The following CCSER1 variants were observed in gnomAD, a reference collection of about 807,000 sequenced individuals.
CCSER1 encodes coiled-coil serine rich protein 1.
CCSER1 carries 41 observed loss-of-function variants against 82.0 expected under a neutral mutation model. The ratio of observed to expected loss-of-function variants is 0.50; its 90% CI spans 0.39 to 0.65. The LOEUF (loss-of-function observed/expected upper bound fraction) is 0.65, where lower values mean the gene tolerates loss of function less well. CCSER1 is among the 30% of genes least tolerant of loss of function. CCSER1 has a pLI of 0.00. For missense variants in CCSER1, 1,119 were observed against 1,064.2 expected (o/e 1.05, Z -0.72); for synonymous variants, 414 against 383.9 (o/e 1.08, Z -0.92).
chr4:91,544,901 C>G (rs1373173135), intron 10 of CCSER1, among the ~76,000 whole-genome samples: 1 of 152,178 alleles, frequency 6.6e-6, no homozygotes, highest in Non-Finnish European at 1.5e-5. Context: ...GCCCTGTCCC[C>G]AGAGTTGGAG....
At chr4:90,896,977 AAGG>A (rs1343347732) in intron 8 of CCSER1, among the ~76,000 whole-genome samples, 2 of 151,994 alleles carry the variant, frequency 1.3e-5, no homozygotes, top group African/African-American at 4.8e-5. Flanking sequence ...CATGTAAAGA[AAGG>A]AGAGTGAAAT....
At chr4:90,652,776 C>A (rs1257701169) in intron 6 of CCSER1, among the ~76,000 whole-genome samples, 2 of 152,092 alleles carry the variant, frequency 1.3e-5, no homozygotes, top group Non-Finnish European at 2.9e-5. Context: ...TTTTTGCTAG[C>A]AATTATTTAT....
rs1742204648 is a variant in CCSER1 at position 91,043,865 on chromosome 4, G to A, written c.2173-42085G>A. Among the ~76,000 whole-genome samples the A allele has an allele frequency of 2.6e-5, 4 of 152,304 alleles. No homozygotes were observed. The South Asian group carries it at 8.3e-4, about 32-fold the overall frequency. ...AGCTTCCCAAAGTGCTGGGATGACA[G>A]TCGTGAGCAACCACGCCTGGCTCAG... On this transcript the variant is annotated intron_variant, in intron 9 of 10. Coordinates refer to ENST00000509176, the MANE Select transcript of CCSER1 (RefSeq NM_001145065.2).
chr4:90,417,246 C>A (rs957195652), intron 4 of CCSER1, among the ~76,000 whole-genome samples: 1 of 151,946 alleles, frequency 6.6e-6, no homozygotes, highest in Admixed American at 6.6e-5. Context: ...AAAACCAATG[C>A]ATTTAAATGC....
chr4:90,268,581 C>T (rs1225108282), intron 1 of CCSER1, among the ~76,000 whole-genome samples: 1 of 151,696 alleles, frequency 6.6e-6, no homozygotes, highest in Non-Finnish European at 1.5e-5. Context: ...TCAAAACATA[C>T]CAGCAGAGAA....
chr4:90,775,793 G>A lies in CCSER1; in HGVS notation c.2011-39969G>A, dbSNP rs544836238. Among the ~76,000 whole-genome samples the A allele has an allele frequency of 2.0e-5, 3 of 152,086 alleles. No homozygotes were observed. In the South Asian group the frequency reaches 6.2e-4, roughly 32 times the overall value. ...AAGAGATTGGATATTTGGCACAGAG[G>A]ATTTTCTTTTGTAAAACAGATATTT... is the stretch of plus-strand genomic sequence containing the variant. On this transcript the variant is annotated intron_variant, in intron 7 of 10. Transcript: ENST00000509176.
chr4:90,403,494 G>A (rs1312667918), intron 4 of CCSER1, among the ~76,000 whole-genome samples: 3 of 100,544 alleles, frequency 3.0e-5, no homozygotes, highest in East Asian at 6.7e-4. Flanking sequence ...GCGAGACTCC[G>A]TCTCAAAAAA....
chr4:90,415,240 T>G (rs1471895349), intron 4 of CCSER1, among the ~76,000 whole-genome samples: 2 of 152,220 alleles, frequency 1.3e-5, no homozygotes, highest in African/African-American at 4.8e-5. Context: ...AAGGTGCACA[T>G]GATTTGAATC....
intron 8 of CCSER1, among the ~76,000 whole-genome samples, chr4:90,885,899 T>C (rs766562506): frequency 6.6e-5 from 10 of 152,300 alleles, no homozygotes; most frequent in African/African-American, 1.4e-4. Context: ...CTCTTCCTGA[T>C]CCTTTTGCTC....
chr4:90,744,847 C>T (rs1428567727), intron 7 of CCSER1, among the ~76,000 whole-genome samples: 1 of 151,976 alleles, frequency 6.6e-6, no homozygotes, highest in Non-Finnish European at 1.5e-5. Flanking sequence ...AACAAGTCCC[C>T]TATCCATGGA....
chr4:90,403,379 GT>G (rs1046206673), intron 4 of CCSER1, among the ~76,000 whole-genome samples: 6 of 149,610 alleles, frequency 4.0e-5, no homozygotes, highest in African/African-American at 1.5e-4. Context: ...GGCGCCTGTA[GT>G]CCCAGCTACT....
At chr4:90,242,033 G>A (rs191955381) in intron 1 of CCSER1, among the ~76,000 whole-genome samples, 4 of 152,266 alleles carry the variant, frequency 2.6e-5, no homozygotes, top group East Asian at 1.9e-4. Context: ...TAGGCTGGGC[G>A]CAGTGGCTCC....
intron 10 of CCSER1, among the ~76,000 whole-genome samples, chr4:91,333,205 A>G (rs986984368): frequency 1.3e-5 from 2 of 152,020 alleles, no homozygotes; most frequent in African/African-American, 4.8e-5. Flanking sequence ...CCTGAAAAAA[A>G]AGAATTCTGA....
chr4:90,720,836 A>G (rs1299036557), intron 6 of CCSER1, among the ~76,000 whole-genome samples: 1 of 151,984 alleles, frequency 6.6e-6, no homozygotes, highest in Non-Finnish European at 1.5e-5. Flanking sequence ...AAGATGTAAC[A>G]CTCAAAATAT....
chr4:91,463,226 C>T (rs561228667), intron 10 of CCSER1, among the ~76,000 whole-genome samples: 3 of 152,202 alleles, frequency 2.0e-5, no homozygotes, highest in Non-Finnish European at 2.9e-5. Flanking sequence ...GCAGCCTCCG[C>T]TGCTGATACC....
intron 1 of CCSER1, among the ~76,000 whole-genome samples, chr4:90,233,090 G>C (rs990240801): frequency 4.6e-5 from 7 of 152,046 alleles, no homozygotes; most frequent in African/African-American, 9.7e-5. Context: ...TCTAGAACTA[G>C]AAATACCATT....
chr4:91,365,881 T>TA (rs1749580821), intron 10 of CCSER1, among the ~76,000 whole-genome samples: 1 of 152,200 alleles, frequency 6.6e-6, no homozygotes, highest in Admixed American at 6.5e-5. Context: ...GCCTAGCCCA[T>TA]GAGAAGTTCC....
chr4:91,047,074 C>T (rs1742570149), intron 9 of CCSER1, among the ~76,000 whole-genome samples: 3 of 152,098 alleles, frequency 2.0e-5, no homozygotes, highest in African/African-American at 7.2e-5. Context: ...AACTCAGTTA[C>T]ATTCCCCCCA....
At chr4:91,375,851 T>C (rs1210462689) in intron 10 of CCSER1, among the ~76,000 whole-genome samples, 16 of 81,142 alleles carry the variant, frequency 2.0e-4, no homozygotes, top group Non-Finnish European at 3.6e-4. Context: ...TGTACTAATA[T>C]AGAATTTTAG....
Sources: gnomAD v4.1 joint callset for allele counts (sites outside exome capture counted in the v4.1 genomes callset) on GRCh38, gnomAD v4.1.1 for gene constraint, MANE v1.5 for transcripts, NCBI Gene and HGNC (gene_info 2026-07-23, HGNC 2026-07-21) for gene names.